The following NCBP1 variants were observed in gnomAD, a reference collection of about 807,000 sequenced individuals.
NCBP1 encodes nuclear cap-binding protein subunit 1.
Under a neutral mutation model 111.7 loss-of-function variants are expected in NCBP1, and 16 were observed. The observed-to-expected ratio is 0.14, with a 90% CI of 0.10 to 0.22. The LOEUF is 0.22. NCBP1 is among the 10% of genes least tolerant of loss of function. The pLI is 1.00. For missense variants in NCBP1, 607 were observed against 957.5 expected, an observed-to-expected ratio of 0.63 and a Z score of 4.83; for synonymous variants, 304 against 314.3, an observed-to-expected ratio of 0.97 and a Z score of 0.35.
At position 97,658,217 on chromosome 9, in the gene NCBP1, C is replaced by T. The variant is rs571547040; in HGVS notation, c.1374-423C>T. On this transcript the variant is annotated intron_variant, in intron 14 of 22. Coordinates refer to ENST00000375147, the MANE Select transcript of NCBP1 (RefSeq NM_002486.5). ...TATGTCCACCTGTGTGTATATATGC[C>T]TCCAATTCCAACTCAATACCTTATT... is the stretch of plus-strand genomic sequence containing the variant. Among the ~76,000 whole-genome samples the T allele has an allele frequency of 1.1e-4, 16 of 152,166 alleles. No individual in the cohort carries two copies. The South Asian group carries it at 1.9e-3, about 18-fold the overall frequency.
chr9:97,669,327 G>A (rs1473302278), intron 21 of NCBP1, among the ~76,000 whole-genome samples: 2 of 151,920 alleles, frequency 1.3e-5, no homozygotes, highest in African/African-American at 2.4e-5. Flanking sequence ...TGATTACTTC[G>A]TTAGAATAGA....
intron 14 of NCBP1, among the ~76,000 whole-genome samples, chr9:97,658,065 G>A (rs943620541): frequency 6.6e-6 from 1 of 151,342 alleles, no homozygotes; most frequent in African/African-American, 2.4e-5. Flanking sequence ...CTAGTTTCTA[G>A]TAAAGTAGTA....
intron 19 of NCBP1, 117 bp downstream of exon 19, chr9:97,664,560 C>A: frequency 1.5e-6 from 1 of 647,864 alleles, no homozygotes. Context: ...TACTAATGGT[C>A]CAATCTGGTA....
intron 15 of NCBP1, among the ~76,000 whole-genome samples, chr9:97,659,964 G>A (rs1263693660): frequency 2.0e-5 from 3 of 152,056 alleles, no homozygotes; most frequent in Admixed American, 1.3e-4. Context: ...ACCCCAGTCT[G>A]GAAAGCCCTT....
chr9:97,646,893 C>G (rs1479961452), intron 6 of NCBP1, among the ~76,000 whole-genome samples: 1 of 143,142 alleles, frequency 7.0e-6, no homozygotes, highest in Admixed American at 6.9e-5. Context: ...CATATCCTTT[C>G]TCTTTTTTAT....
chr9:97,636,771 G>T (rs1827053804), intron 1 of NCBP1, among the ~76,000 whole-genome samples: 2 of 151,022 alleles, frequency 1.3e-5, no homozygotes, highest in Non-Finnish European at 2.9e-5. Flanking sequence ...CTCCCCTCTA[G>T]AGTAGAGAGA....
chr9:97,658,752 T>G lies in NCBP1; in HGVS notation c.1477+9T>G. 1.9e-6 allele frequency: 3 copies of G among 1,556,994 alleles called. No homozygotes were observed. The highest frequency in any genetic ancestry group is 1.1e-5 in the South Asian group (1 of 89,874). Reference sequence around the variant, plus strand: ...TGGAGATGAAAGTAGCAGTAAGTAATGAAACTAATCCCTCTGTCTTTAAAA... The same window carrying G: ...TGGAGATGAAAGTAGCAGTAAGTAAGGAAACTAATCCCTCTGTCTTTAAAA... On this transcript the variant is annotated intron_variant, in intron 15 of 22. Transcript: ENST00000375147.
In NCBP1 at chr9:97,665,613, T is replaced by A. The variant is rs138694927; in HGVS notation, c.1902-1150T>A. On this transcript the variant is annotated intron_variant, in intron 19 of 22. Transcript: ENST00000375147. ...AAGTGCTCTGCTCTTTTGTCCTGTT[T>A]CCTAACATTCTAGACTTGGAGTTTT... Among the ~76,000 whole-genome samples, 43 of 152,358 alleles carry A rather than the reference T, an allele frequency of 2.8e-4. 1 individual carries two copies. Among genetic ancestry groups the A allele is most frequent in the African/African-American group, 9.4e-4 (39 of 41,576 alleles).
chr9:97,633,984 T>C lies in NCBP1; in HGVS notation c.34+69T>C, dbSNP rs1168776240. 7 of 1,473,736 alleles carry C rather than the reference T, an allele frequency of 4.7e-6. No individual in the cohort carries two copies. The Admixed American group carries it at 6.7e-5, about 14-fold the overall frequency. 91.3% of individuals were successfully genotyped at this position (1,473,736 alleles called of 1,614,324 possible). On this transcript the variant is annotated intron_variant, in intron 1 of 22. Transcript: ENST00000375147. ...AGCCGAGGCTCGGCGTCTTTGGGTG[T>C]CCACGGAAGAGACTGGAAGCTCTTC...
chr9:97,662,653 C>A (rs568819314), intron 17 of NCBP1, among the ~76,000 whole-genome samples: 5 of 152,330 alleles, frequency 3.3e-5, no homozygotes, highest in African/African-American at 1.2e-4. Context: ...AGGGTTCCCA[C>A]AGAAGATGCA....
chr9:97,645,404 G>A (rs146428612), intron 5 of NCBP1, among the ~76,000 whole-genome samples, 180 bp downstream of exon 5: 49 of 152,192 alleles, frequency 3.2e-4, no homozygotes, highest in African/African-American at 1.0e-3. Context: ...TGGCACACTG[G>A]TGGGTTCTCA....
rs111535395 is a variant in NCBP1, at chr9:97,655,390, TA to T, written c.1236-308del. Among the ~76,000 whole-genome samples, 804 of 150,986 alleles carry T rather than the reference TA, an allele frequency of 5.3e-3. 8 individuals carry two copies. The highest frequency in any genetic ancestry group is 0.019 in the African/African-American group (773 of 40,908). On this transcript the variant is annotated intron_variant, in intron 12 of 22. Coordinates refer to ENST00000375147, the MANE Select transcript of NCBP1 (RefSeq NM_002486.5). ...CCACTGCACCTGGCCTACAATTTCA[TA>T]AAATTTTTTTTTTTCTTGCTTCAGT...
At chr9:97,647,264 T>TC (rs1827368315) in intron 6 of NCBP1, among the ~76,000 whole-genome samples, 3 of 152,196 alleles carry the variant, frequency 2.0e-5, no homozygotes, top group African/African-American at 7.2e-5. Flanking sequence ...GAGATTATAC[T>TC]TTCCCAAAGA....
At chr9:97,663,186 G>A (rs1827889792) in intron 18 of NCBP1, 139 bp downstream of exon 18, 1 of 652,482 alleles carries the variant, frequency 1.5e-6, no homozygotes, top group African/African-American at 1.8e-5. Context: ...AATTCTTTCA[G>A]TGCTATGGGA....
intron 1 of NCBP1, among the ~76,000 whole-genome samples, chr9:97,638,499 A>G (rs1827116021): frequency 6.6e-6 from 1 of 152,194 alleles, no homozygotes; most frequent in African/African-American, 2.4e-5. Context: ...AAGTTAAGTT[A>G]GGAAGACTGT....
intron 1 of NCBP1, among the ~76,000 whole-genome samples, chr9:97,635,585 T>G (rs1295566155): frequency 6.6e-6 from 1 of 151,980 alleles, no homozygotes; most frequent in Non-Finnish European, 1.5e-5. Context: ...TAATTTTTTT[T>G]TTGTTTTTGT....
At chr9:97,641,710 C>T (rs376310479) in intron 3 of NCBP1, 48 bp downstream of exon 3, 26 of 1,468,520 alleles carry the variant, frequency 1.8e-5, no homozygotes, top group Non-Finnish European at 2.4e-5. Flanking sequence ...GTATTATCTA[C>T]TCTTAAATGC....
Position 97,666,815 on chromosome 9 carries a change from G to A in NCBP1, c.1954G>A (p.Val652Ile). 6.2e-7 allele frequency: 1 copy of A among 1,610,664 alleles called. No homozygotes were observed. Among genetic ancestry groups the A allele is most frequent in the Non-Finnish European group, 8.5e-7 (1 of 1,178,878 alleles). ...HSTIRKMNKH[V>I]LKIQKELEEA... ...TACAATTCGTAAGATGAACAAACAT[G>A]TCCTGAAGATCCAGAAAGAGCTGGA... The change falls in exon 20 of 23, where the codon GTC becomes ATC. Residue 652 changes from valine to isoleucine, a missense_variant. This residue lies in a region of NCBP1 where 282 missense variants were observed against 376.5 expected (regional missense o/e 0.75). Coordinates refer to ENST00000375147, the MANE Select transcript of NCBP1 (RefSeq NM_002486.5).
chr9:97,639,053 C>T (rs982795004), intron 1 of NCBP1, among the ~76,000 whole-genome samples: 5 of 152,150 alleles, frequency 3.3e-5, no homozygotes, highest in Non-Finnish European at 7.3e-5. Flanking sequence ...TAGGTTTGAT[C>T]TATACTTAAG....
Sources: gnomAD v4.1 joint callset for allele counts (sites outside exome capture counted in the v4.1 genomes callset) on GRCh38, gnomAD v4.1.1 for gene constraint, gnomAD v4.1.1 regional missense constraint, MANE v1.5 for transcripts, NCBI Gene and HGNC (gene_info 2026-07-23, HGNC 2026-07-21) for gene names.